TPRG1: variants seen among roughly 807,000 people sequenced by gnomAD.
TPRG1 encodes the protein tumor protein p63-regulated gene 1 protein.
Under a neutral mutation model 29.3 loss-of-function variants are expected in TPRG1, and 29 were observed. The ratio of observed to expected loss-of-function variants is 0.99; its 90% CI spans 0.74 to 1.35. The LOEUF (loss-of-function observed/expected upper bound fraction) is 1.35, where lower values mean the gene tolerates loss of function less well. Ranked by LOEUF, TPRG1 falls within the 40% of genes most tolerant of loss-of-function variation. The pLI is 0.00. For missense variants in TPRG1, 327 were observed against 335.0 expected, an observed-to-expected ratio of 0.98 and a Z score of 0.19; for synonymous variants, 130 against 116.8, an observed-to-expected ratio of 1.11 and a Z score of -0.73.
At chr3:189,275,840 C>T (rs1354852931) in intron 4 of TPRG1, among the ~76,000 whole-genome samples, 1 of 152,026 alleles carries the variant, frequency 6.6e-6, no homozygotes, top group African/African-American at 2.4e-5. Context: ...GCCATGCCCT[C>T]TATAGGTCCA....
chr3:189,075,088 T>C (rs1717071395), intron 4 of TPRG1, among the ~76,000 whole-genome samples: 1 of 151,142 alleles, frequency 6.6e-6, no homozygotes, highest in South Asian at 2.1e-4. Context: ...CCCCTTAATA[T>C]CAGTTTTACA....
chr3:189,001,877 A>C (rs978267866), intron 2 of TPRG1, among the ~76,000 whole-genome samples: 1 of 152,290 alleles, frequency 6.6e-6, no homozygotes, highest in African/African-American at 2.4e-5. Flanking sequence ...ACAATAATGC[A>C]TTATATGTGT....
chr3:189,060,548 A>G (rs970593023), intron 4 of TPRG1, among the ~76,000 whole-genome samples: 2 of 152,160 alleles, frequency 1.3e-5, no homozygotes, highest in Non-Finnish European at 2.9e-5. Context: ...AAAACCCCAT[A>G]GTATTGGTTC....
rs186509165 is a variant in TPRG1, at chr3:189,315,414, A to G, written c.633+4875A>G. 24 of 432,702 alleles carry G rather than the reference A, an allele frequency of 5.5e-5. No homozygotes were observed. In the Middle Eastern group the frequency reaches 1.0e-3, roughly 18 times the overall value. The allele number at this position is 432,702 out of a possible 1,614,324, so 26.8% of individuals were successfully genotyped here. A position where few individuals can be genotyped will look rare whatever the true frequency, so the allele number is the denominator to read the frequency against. On this transcript the variant is annotated intron_variant, in intron 5 of 5. Transcript: ENST00000345063. ...TCAAAACCTGGCTCAATTATCCTCA[A>G]TTATTTCATCCACTTTGTATTTGCA...
At chr3:189,316,448 A>G (rs1723541910) in intron 5 of TPRG1, among the ~76,000 whole-genome samples, 1 of 152,186 alleles carries the variant, frequency 6.6e-6, no homozygotes, top group African/African-American at 2.4e-5. Context: ...CTGCAGGCTC[A>G]GAAAACCAGC....
intron 4 of TPRG1, among the ~76,000 whole-genome samples, chr3:189,090,888 G>A (rs780232296): frequency 2.0e-5 from 3 of 151,966 alleles, no homozygotes; most frequent in Admixed American, 1.3e-4. Context: ...ATGACGTTTT[G>A]CAATTGTTTC....
chr3:189,295,896 A>G (rs999717923), intron 4 of TPRG1, among the ~76,000 whole-genome samples: 2 of 131,346 alleles, frequency 1.5e-5, no homozygotes, highest in Admixed American at 8.8e-5. Context: ...ACTTAGTTTC[A>G]TTTTAAAATG....
At chr3:189,174,500 C>A (rs1729226706) in intron 1 of TPRG1, among the ~76,000 whole-genome samples, 1 of 152,210 alleles carries the variant, frequency 6.6e-6, no homozygotes, top group Non-Finnish European at 1.5e-5. Context: ...CACTTCTGAT[C>A]TCTTCCAATC....
chr3:189,084,648 C>T, intron 4 of TPRG1, among the ~76,000 whole-genome samples: 1 of 152,244 alleles, frequency 6.6e-6, no homozygotes. Context: ...CTTTCTGTCT[C>T]TCACTATGCG....
At chr3:188,999,698 ACTT>A (rs1711940111) in intron 1 of TPRG1, among the ~76,000 whole-genome samples, 1 of 152,088 alleles carries the variant, frequency 6.6e-6, no homozygotes, top group African/African-American at 2.4e-5. Context: ...TATATTTATT[ACTT>A]TTTTTATTGG....
intron 2 of TPRG1, among the ~76,000 whole-genome samples, chr3:189,208,555 C>T (rs1056009399): frequency 6.6e-6 from 1 of 152,064 alleles, no homozygotes; most frequent in Non-Finnish European, 1.5e-5. Flanking sequence ...AAAGTTTTAA[C>T]TAAAGCAACT....
At chr3:189,177,949 G>C (rs1729712484) in intron 1 of TPRG1, among the ~76,000 whole-genome samples, 1 of 152,190 alleles carries the variant, frequency 6.6e-6, no homozygotes, top group Non-Finnish European at 1.5e-5. Flanking sequence ...TGGACACTAG[G>C]TGAATGTGGT....
chr3:189,099,247 G>A (rs1450986451), upstream of TPRG1, among the ~76,000 whole-genome samples: 2 of 152,158 alleles, frequency 1.3e-5, no homozygotes, highest in Non-Finnish European at 2.9e-5. Flanking sequence ...TTTGGGTCAC[G>A]GTGACCTCTA....
chr3:189,032,652 T>G (rs1460481590), intron 4 of TPRG1, among the ~76,000 whole-genome samples: 1 of 151,650 alleles, frequency 6.6e-6, no homozygotes, highest in African/African-American at 2.4e-5. Context: ...AATGTGCAGG[T>G]TAGTTACATA....
At chr3:189,240,312 C>G (rs955478582) in intron 4 of TPRG1, 1 of 151,990 alleles carries the variant, frequency 6.6e-6, no homozygotes, top group Non-Finnish European at 1.5e-5. Context: ...CTCTTCTACA[C>G]CAGACCCTCG....
At chr3:189,015,357 A>C (rs1712872584) in intron 3 of TPRG1, among the ~76,000 whole-genome samples, 1 of 152,232 alleles carries the variant, frequency 6.6e-6, no homozygotes, top group Non-Finnish European at 1.5e-5. Flanking sequence ...AGATGGTCTG[A>C]AATTGAAACT....
chr3:189,301,542 G>A (rs1720839806), intron 4 of TPRG1, among the ~76,000 whole-genome samples: 1 of 151,956 alleles, frequency 6.6e-6, no homozygotes, highest in South Asian at 2.1e-4. Flanking sequence ...TGAAGATAAA[G>A]GTTATATTTC....
intron 1 of TPRG1, among the ~76,000 whole-genome samples, chr3:189,114,166 T>A (rs1377080591): frequency 6.6e-6 from 1 of 152,190 alleles, no homozygotes; most frequent in Non-Finnish European, 1.5e-5. Context: ...AACTAGTGAA[T>A]GCAACTCCAG....
At chr3:189,056,671 C>G (rs989814883) in intron 4 of TPRG1, among the ~76,000 whole-genome samples, 1 of 152,128 alleles carries the variant, frequency 6.6e-6, no homozygotes, top group Non-Finnish European at 1.5e-5. Flanking sequence ...ATGAAAGTGC[C>G]TAGTATAGGT....
Sources: allele counts gnomAD v4.1 joint callset (sites outside exome capture counted in the v4.1 genomes callset), GRCh38; gene constraint gnomAD v4.1.1; transcripts MANE v1.5; gene names NCBI Gene and HGNC (gene_info 2026-07-23, HGNC 2026-07-21).